CFAP46: variants seen among roughly 807,000 people sequenced by gnomAD.
The protein encoded by CFAP46 is cilia and flagella associated protein 46, also known as cilia- and flagella-associated protein 46.
In CFAP46, 245 loss-of-function variants were observed where a neutral mutation model predicts 325.7. That is an observed-to-expected ratio of 0.75 (90% CI 0.68 to 0.84). The LOEUF (loss-of-function observed/expected upper bound fraction) is 0.84, where lower values mean the gene tolerates loss of function less well. Ranked by LOEUF, CFAP46 falls within the 40% of genes least tolerant of loss-of-function variation. The probability of loss-of-function intolerance (pLI) is 0.00; values close to 1 mark genes in which losing one functional copy is unlikely to be tolerated. For synonymous variants in CFAP46, 1,523 were observed against 1,495.9 expected, an observed-to-expected ratio of 1.02 and a Z score of -0.42; for missense variants, 3,346 against 3,543.0, an observed-to-expected ratio of 0.94 and a Z score of 1.41.
At chr10:132,891,827 C>T (rs762170564) in intron 25 of CFAP46, among the ~76,000 whole-genome samples, 4 of 152,242 alleles carry the variant, frequency 2.6e-5, no homozygotes, top group African/African-American at 9.6e-5. Flanking sequence ...AATTGTCAAT[C>T]AGAAAATCTT....
In CFAP46 at chr10:132,876,821, G is replaced by A; in HGVS notation, c.4353C>T (p.Ile1451=). 1.3e-6 allele frequency: 2 copies of A among 1,549,096 alleles called. No individual in the cohort carries two copies. Among genetic ancestry groups the A allele is most frequent in the Non-Finnish European group, 8.7e-7 (1 of 1,146,700 alleles). The change falls in exon 31 of 58, where the codon ATC becomes ATT. Residue 1451 remains isoleucine, a synonymous_variant. Transcript: ENST00000368586. This position sits in a 1 kb window ranked among gnomAD's most constrained non-coding sequence, Gnocchi z 4.1. ...CTTTATGTCAACGTACCGGCTTCTG[G>A]ATACTTGAGGGGTTCACAGTAGAGT... ...RSDSTVNPSS[I]QKPTYSLYFL...
At chr10:132,868,569 C>T (rs931629532) in intron 33 of CFAP46, among the ~76,000 whole-genome samples, 1 of 152,206 alleles carries the variant, frequency 6.6e-6, no homozygotes, top group Non-Finnish European at 1.5e-5. Flanking sequence ...AGCTTAATTC[C>T]ACTTTCACCA....
In CFAP46 at chr10:132,853,830, T is replaced by C. The variant is rs149448734; in HGVS notation, c.5575-2525A>G. ...GTTTGTAATATGATTCCCTTATCCTTTCAATATCTGTAGAATCCATGGAGA... is the reference window on the plus strand; with the variant it reads ...GTTTGTAATATGATTCCCTTATCCTCTCAATATCTGTAGAATCCATGGAGA... On this transcript the variant is annotated intron_variant, in intron 39 of 57. Transcript: ENST00000368586. Among the ~76,000 whole-genome samples, 1,409 of 152,324 alleles carry C rather than the reference T, an allele frequency of 9.3e-3. 12 individuals are homozygous for C. The highest frequency in any genetic ancestry group is 0.043 in the South Asian group (210 of 4,828).
chr10:132,924,560 G>T, intron 11 of CFAP46, 136 bp downstream of exon 11: 1 of 799,894 alleles, frequency 1.3e-6, no homozygotes, highest in Non-Finnish European at 1.8e-6. Context: ...ACAGAGGGTG[G>T]CCCTTATTGA....
chr10:132,899,501 A>G, intron 23 of CFAP46, 34 bp downstream of exon 23: 1 of 1,524,402 alleles, frequency 6.6e-7, no homozygotes. Context: ...CCGGGGAGGG[A>G]CAGAGCCCAC....
In CFAP46 at chr10:132,846,046, T is replaced by A; in HGVS notation, c.6438+11A>T. The A allele has an allele frequency of 6.3e-7, 1 of 1,598,756 alleles. No homozygotes were observed. The highest frequency in any genetic ancestry group is 8.5e-7 in the Non-Finnish European group (1 of 1,177,706). ...CTGGGGGCAGGTTCAGCGGCATCCG[T>A]GCCCGCTTACCTTGGACACGGCGGC... is the stretch of plus-strand genomic sequence containing the variant. On this transcript the variant is annotated intron_variant, in intron 44 of 57. Coordinates refer to ENST00000368586, the MANE Select transcript of CFAP46 (RefSeq NM_001200049.3).
At chr10:132,824,972 A>ATGTGTGCTGATGTGTGCTG (rs1564768330) in intron 50 of CFAP46, among the ~76,000 whole-genome samples, 1 of 99,020 alleles carries the variant, frequency 1.0e-5, no homozygotes, top group South Asian at 3.5e-4. Flanking sequence ...GTGAGTGCTG[A>ATGTGTGCTGATGTGTGCTG]TGTGTGCTGA....
intron 23 of CFAP46, 23 bp downstream of exon 23, chr10:132,899,512 C>T (rs1184934369): frequency 6.5e-7 from 1 of 1,535,582 alleles, no homozygotes; most frequent in East Asian, 2.5e-5. Flanking sequence ...CAGAGCCCAC[C>T]CCAGCCCCTT....
chr10:132,860,053 G>T (rs1237454842), intron 37 of CFAP46, among the ~76,000 whole-genome samples: 1 of 152,168 alleles, frequency 6.6e-6, no homozygotes, highest in African/African-American at 2.4e-5. Context: ...TGGCAATAAG[G>T]GAGGCGTGCC....
Position 132,859,241 on chromosome 10 carries a change from C to G in CFAP46, c.5205G>C (p.Leu1735=). The part of the protein sequence containing the change: ...FMITDLEARC[L]SLRVRVAQHS... ...GCTGCGCAACTCTGACCCGCAGGCT[C>G]AGGCACCTGACGGAGGGACGGTTTG... Residue 1735 remains leucine, a synonymous_variant, in exon 38 of 58, where the codon CTG becomes CTC. Coordinates refer to ENST00000368586, the MANE Select transcript of CFAP46 (RefSeq NM_001200049.3). The G allele has an allele frequency of 6.5e-7, 1 of 1,548,236 alleles. No individual in the cohort carries two copies. The highest frequency in any genetic ancestry group is 2.0e-5 in the Admixed American group (1 of 50,938).
chr10:132,919,387 C>T lies in CFAP46; in HGVS notation c.1786G>A (p.Val596Ile), dbSNP rs867501680. ...KVARKQGVWDVCRTASRFCLL... is the reference protein window; with the variant it reads ...KVARKQGVWDICRTASRFCLL... ...CAGAAGCGGCTCGCCGTCCGACAGACGTCCCACACGCCTTGTTTCCGGGCC... is the reference window on the plus strand; with the variant it reads ...CAGAAGCGGCTCGCCGTCCGACAGATGTCCCACACGCCTTGTTTCCGGGCC... The change falls in exon 15 of 58, where the codon GTC (valine) becomes ATC (isoleucine). Residue 596 changes from valine (V) to isoleucine (I), a missense_variant. Physicochemically the swap from Val to Ile is conservative, Grantham distance 29 (BLOSUM62 3). Transcript: ENST00000368586. The surrounding 1 kb of genome is among the most constrained non-coding windows in gnomAD (Gnocchi z 9.7). 1.1e-4 allele frequency: 168 copies of T among 1,550,052 alleles called. No homozygotes were observed. The Middle Eastern group carries it at 3.8e-3, about 35-fold the overall frequency.
intron 22 of CFAP46, among the ~76,000 whole-genome samples, chr10:132,900,471 A>G (rs1017986209): frequency 2.0e-5 from 3 of 152,250 alleles, no homozygotes; most frequent in African/African-American, 7.2e-5. Context: ...GATTTATTCT[A>G]TGAGAAAGAT....
At chr10:132,848,037 C>T (rs1024379061) in intron 41 of CFAP46, among the ~76,000 whole-genome samples, 3 of 151,958 alleles carry the variant, frequency 2.0e-5, no homozygotes, top group East Asian at 1.9e-4. Flanking sequence ...CCTTTCTCGA[C>T]GGAGCACACG....
chr10:132,885,690 G>GGGGGAGCAGCAGGTGGTGT (rs1849112714), intron 26 of CFAP46, 131 bp downstream of exon 26: 2 of 797,804 alleles, frequency 2.5e-6, no homozygotes, highest in Non-Finnish European at 3.7e-6. Context: ...ACACTCCGGT[G>GGGGGAGCAGCAGGTGGTGT]GGGGAGCACA....
Position 132,899,081 on chromosome 10 carries a change from C to T in CFAP46, c.3097G>A (p.Ala1033Thr). 1.3e-6 allele frequency: 2 copies of T among 1,549,742 alleles called. No homozygotes were observed. The highest frequency in any genetic ancestry group is 1.7e-6 in the Non-Finnish European group (2 of 1,146,606). Reference sequence around the variant, plus strand: ...CAGGCGTTCCAGTAATGCCGCGCGGCCAGCATCACCAGGGCGCTGCTGCCC... The same window carrying T: ...CAGGCGTTCCAGTAATGCCGCGCGGTCAGCATCACCAGGGCGCTGCTGCCC... ...IAGSSALVML[A>T]ARHYWNAWLP... The change falls in exon 24 of 58, where the codon GCC becomes ACC. Residue 1033 changes from alanine (A) to threonine (T), a missense_variant. Coordinates refer to ENST00000368586, the MANE Select transcript of CFAP46 (RefSeq NM_001200049.3).
chr10:132,922,353 T>A, intron 12 of CFAP46, 127 bp downstream of exon 12: 1 of 1,454,688 alleles, frequency 6.9e-7, no homozygotes, highest in Non-Finnish European at 9.1e-7. Flanking sequence ...CAGTGACAGC[T>A]CGGTCCCAGG....
intron 13 of CFAP46, among the ~76,000 whole-genome samples, chr10:132,921,265 C>A: frequency 6.6e-6 from 1 of 152,216 alleles, no homozygotes; most frequent in East Asian, 1.9e-4. Flanking sequence ...CAGCAGGACC[C>A]TCAGGGGACC....
chr10:132,877,963 C>A lies in CFAP46; in HGVS notation c.4130G>T (p.Arg1377Met), dbSNP rs552613369. The A allele has an allele frequency of 6.5e-7, 1 of 1,549,216 alleles. No homozygotes were observed. The highest frequency in any genetic ancestry group is 8.7e-7 in the Non-Finnish European group (1 of 1,146,834). Reference protein sequence around the residue: ...NERSKEKEKERSKEKENERSK... With the variant: ...NERSKEKEKEMSKEKENERSK... ...CCTCTCATTCTCCTTCTCTTTACTC[C>A]TCTCCTTCTCCTTCTCTTTACTCCT... The change falls in exon 30 of 58, where the codon AGG becomes ATG. Residue 1377 changes from arginine (R) to methionine (M), a missense_variant. By Grantham distance (91) the Arg-to-Met change is moderately conservative. Transcript: ENST00000368586. This position sits in a 1 kb window ranked among gnomAD's most constrained non-coding sequence, Gnocchi z 5.7.
intron 19 of CFAP46, among the ~76,000 whole-genome samples, chr10:132,911,648 T>G (rs4880285): frequency 6.6e-6 from 1 of 152,174 alleles, no homozygotes; most frequent in South Asian, 2.1e-4. Context: ...CTGCAGCATC[T>G]GTCAACGAGA....
Sources: gnomAD v4.1 joint callset for allele counts (sites outside exome capture counted in the v4.1 genomes callset) on GRCh38, gnomAD v4.1.1 for gene constraint, Gnocchi (gnomAD v3.1) non-coding constraint, MANE v1.5 for transcripts, NCBI Gene and HGNC (gene_info 2026-07-23, HGNC 2026-07-21) for gene names.